GLI3: variants seen among roughly 807,000 people sequenced by gnomAD.
The protein encoded by GLI3 is GLI family zinc finger 3, also known as transcription activator GLI3.
Under a neutral mutation model 100.8 loss-of-function variants are expected in GLI3, and 20 were observed. The observed-to-expected ratio is 0.20, with a 90% CI of 0.14 to 0.29. The LOEUF is 0.29. Among genes scored for constraint, GLI3 ranks in the 10% least tolerant of loss-of-function variants. GLI3 has a pLI of 1.00. For missense variants in GLI3, 2,040 were observed against 2,128.5 expected (o/e 0.96, Z 0.82); for synonymous variants, 938 against 860.5 (o/e 1.09, Z -1.58).
chr7:42,111,232 G>T (rs1785698748), intron 3 of GLI3, among the ~76,000 whole-genome samples: 1 of 152,176 alleles, frequency 6.6e-6, no homozygotes. Flanking sequence ...CCGAAAACAA[G>T]GGGCAAGGCA....
chr7:42,138,037 T>C (rs1310931062), intron 3 of GLI3, among the ~76,000 whole-genome samples: 1 of 152,176 alleles, frequency 6.6e-6, no homozygotes, highest in Non-Finnish European at 1.5e-5. Flanking sequence ...TGCCTAGGTG[T>C]TTGTTGTATG....
chr7:42,208,753 G>A (rs1371260446), intron 2 of GLI3, among the ~76,000 whole-genome samples: 1 of 152,190 alleles, frequency 6.6e-6, no homozygotes, highest in Non-Finnish European at 1.5e-5. Context: ...CTATGAGGAT[G>A]TTCAAGAGGT....
At chr7:41,998,732 T>C (rs1788201484) in intron 10 of GLI3, among the ~76,000 whole-genome samples, 2 of 152,230 alleles carry the variant, frequency 1.3e-5, no homozygotes, top group Admixed American at 1.3e-4. Context: ...ATGGATATTT[T>C]CACCTCTACA....
chr7:42,230,762 G>A (rs556241369), intron 1 of GLI3, among the ~76,000 whole-genome samples: 9 of 152,282 alleles, frequency 5.9e-5, no homozygotes, highest in Admixed American at 3.3e-4. Context: ...CCTTGGTTAG[G>A]CACTGCAGGA....
chr7:41,975,891 A>G (rs1787496666), intron 12 of GLI3, among the ~76,000 whole-genome samples: 1 of 152,238 alleles, frequency 6.6e-6, no homozygotes, highest in Admixed American at 6.5e-5. Flanking sequence ...AATCTATGAA[A>G]TATATGAAAT....
intron 10 of GLI3, among the ~76,000 whole-genome samples, chr7:42,015,647 G>A (rs1788737922): frequency 6.6e-6 from 1 of 151,556 alleles, no homozygotes; most frequent in African/African-American, 2.4e-5. Flanking sequence ...AAGAAAACGG[G>A]CTTGGCTGGT....
At chr7:42,234,944 CA>C (rs1470573463) in intron 1 of GLI3, among the ~76,000 whole-genome samples, 1 of 152,070 alleles carries the variant, frequency 6.6e-6, no homozygotes, top group African/African-American at 2.4e-5. Flanking sequence ...TTTAACTGGC[CA>C]AAGTGTTTGT....
intron 4 of GLI3, among the ~76,000 whole-genome samples, chr7:42,071,218 G>C (rs769644648): frequency 6.6e-6 from 1 of 151,900 alleles, no homozygotes; most frequent in African/African-American, 2.4e-5. Flanking sequence ...TTCTTTTTTG[G>C]GGGGGCGGTG....
At chr7:42,051,414 A>T (rs1784349218) in intron 4 of GLI3, among the ~76,000 whole-genome samples, 1 of 152,188 alleles carries the variant, frequency 6.6e-6, no homozygotes, top group Non-Finnish European at 1.5e-5. Flanking sequence ...GTATATACTG[A>T]ATGCTCAACA....
intron 3 of GLI3, among the ~76,000 whole-genome samples, chr7:42,095,814 T>C (rs1785325242): frequency 6.6e-6 from 1 of 152,114 alleles, no homozygotes; most frequent in Non-Finnish European, 1.5e-5. Context: ...GAGAGCCACG[T>C]CTAGCCTGGA....
At chr7:42,182,023 A>G (rs1378273141) in intron 2 of GLI3, among the ~76,000 whole-genome samples, 1 of 152,112 alleles carries the variant, frequency 6.6e-6, no homozygotes, top group Non-Finnish European at 1.5e-5. Flanking sequence ...TTTGTCTGTA[A>G]GAACTCTTTC....
At chr7:42,090,917 G>A (rs1053534665) in intron 3 of GLI3, among the ~76,000 whole-genome samples, 3 of 152,222 alleles carry the variant, frequency 2.0e-5, no homozygotes, top group African/African-American at 7.2e-5. Context: ...AATAGGGATA[G>A]AGAAGGTAAG....
chr7:42,105,340 A>C (rs1184157869), intron 3 of GLI3, among the ~76,000 whole-genome samples: 2 of 152,188 alleles, frequency 1.3e-5, no homozygotes, highest in Non-Finnish European at 2.9e-5. Flanking sequence ...AGCAGATTAC[A>C]TCTTTATCAC....
At chr7:42,058,211 T>G (rs2128745976) in intron 4 of GLI3, among the ~76,000 whole-genome samples, 1 of 152,272 alleles carries the variant, frequency 6.6e-6, no homozygotes, top group South Asian at 2.1e-4. Flanking sequence ...AAAAGTCAAC[T>G]TCAGTGTTAG....
intron 1 of GLI3, among the ~76,000 whole-genome samples, chr7:42,262,433 T>A (rs969831584): frequency 6.6e-6 from 1 of 152,076 alleles, no homozygotes; most frequent in African/African-American, 2.4e-5. Context: ...CTAATTTTTT[T>A]AAATTTTGTA....
At chr7:42,257,232 A>G (rs1789093749) in intron 1 of GLI3, among the ~76,000 whole-genome samples, 1 of 151,900 alleles carries the variant, frequency 6.6e-6, no homozygotes, top group East Asian at 1.9e-4. Context: ...CAATCTAGAT[A>G]CCACTAAATT....
At chr7:42,082,619 T>C (rs1409009014) in intron 3 of GLI3, among the ~76,000 whole-genome samples, 1 of 152,158 alleles carries the variant, frequency 6.6e-6, no homozygotes, top group Non-Finnish European at 1.5e-5. Flanking sequence ...TTTTCTGGTC[T>C]CACAAGCATA....
At chr7:42,199,212 G>T (rs1188833958) in intron 2 of GLI3, among the ~76,000 whole-genome samples, 3 of 152,144 alleles carry the variant, frequency 2.0e-5, no homozygotes, top group Non-Finnish European at 4.4e-5. Flanking sequence ...GCAAAGCTGG[G>T]TTACTAACAT....
intron 10 of GLI3, among the ~76,000 whole-genome samples, chr7:41,987,430 G>A (rs1787861944): frequency 6.6e-6 from 1 of 152,192 alleles, no homozygotes. Flanking sequence ...GCCTCCCAAA[G>A]TACTGGGATT....
Sources: gnomAD v4.1 joint callset for allele counts (sites outside exome capture counted in the v4.1 genomes callset) on GRCh38, gnomAD v4.1.1 for gene constraint, MANE v1.5 for transcripts, NCBI Gene and HGNC (gene_info 2026-07-23, HGNC 2026-07-21) for gene names.